LY6D: variants seen among roughly 807,000 people sequenced by gnomAD.
LY6D encodes lymphocyte antigen 6 family member D.
In LY6D, 7 loss-of-function variants were observed where a neutral mutation model predicts 5.6. That is an observed-to-expected ratio of 1.24 (90% CI 0.71 to 2.34). The LOEUF is 2.34. Among genes scored for constraint, LY6D ranks in the 30% most tolerant of loss-of-function variants. The pLI, the probability that LY6D is intolerant of heterozygous loss-of-function variation, is 0.00. For missense variants in LY6D, 148 were observed against 164.8 expected (o/e 0.90, Z 0.56); for synonymous variants, 81 against 75.0 (o/e 1.08, Z -0.41).
rs377395320 is a variant in LY6D, at chr8:142,784,931, C to T, written c.*290G>A. 9.0e-6 allele frequency: 4 copies of T among 444,094 alleles called. No homozygotes were observed. Among genetic ancestry groups the T allele is most frequent in the Admixed American group, 3.6e-5 (1 of 27,674 alleles). The allele number at this position is 444,094 out of a possible 1,614,324, so 27.5% of individuals were successfully genotyped here. ...GTAGAGATTTGAGTACAAAAATAAA[C>T]GGCAACAAAACAGAAGGAGTGTGAA... On this transcript the variant is annotated 3_prime_UTR_variant, in exon 3 of 3. Transcript: ENST00000301263.
intron 1 of LY6D, chr8:142,785,938 C>A: frequency 1.5e-6 from 2 of 1,369,536 alleles, no homozygotes; most frequent in Non-Finnish European, 1.9e-6. Context: ...GTGTTGCAAG[C>A]CTTTCCTCCA....
At chr8:142,785,934 C>G (rs1268749340) in intron 1 of LY6D, 9 of 1,374,320 alleles carry the variant, frequency 6.5e-6, no homozygotes, top group Non-Finnish European at 9.4e-7. Context: ...GGGTGTGTTG[C>G]AAGCCTTTCC....
At chr8:142,785,833 T>C (rs1011389585) in intron 1 of LY6D, 146 bp from the exon 2 acceptor site, 3 of 1,453,188 alleles carry the variant, frequency 2.1e-6, no homozygotes, top group Non-Finnish European at 2.7e-6. Context: ...CTCTGGGTCC[T>C]GGCAGGGCAT....
Position 142,786,532 on chromosome 8 carries a change from G to A in LY6D, c.-16C>T. The A allele has an allele frequency of 6.5e-7, 1 of 1,527,916 alleles. No homozygotes were observed. Among genetic ancestry groups the A allele is most frequent in the Non-Finnish European group, 8.9e-7 (1 of 1,127,132 alleles). The allele number at this position is 1,527,916 out of a possible 1,614,324, so 94.6% of individuals were successfully genotyped here. A position where few individuals can be genotyped will look rare whatever the true frequency, so the allele number is the denominator to read the frequency against. ...CTGTCCTCATCTCTGATGTCGTCTG[G>A]GAGCAGTGCGGGCCCCTGCATTGCC... On this transcript the variant is annotated 5_prime_UTR_variant, in exon 1 of 3. Transcript: ENST00000301263.
In LY6D at chr8:142,784,984, T is replaced by A. The variant is rs961325716; in HGVS notation, c.*237A>T. ...CCGGGGATCCACAGGGCTTCTGTCC[T>A]CCACCTTCCATGCAGCTGGGGGCTG... On this transcript the variant is annotated 3_prime_UTR_variant, in exon 3 of 3. Transcript: ENST00000301263. The A allele has an allele frequency of 1.9e-6, 1 of 537,186 alleles. No individual in the cohort carries two copies. Among genetic ancestry groups the A allele is most frequent in the East Asian group, 2.8e-5 (1 of 35,188 alleles). 33.3% of individuals were successfully genotyped at this position (537,186 alleles called of 1,614,324 possible).
At position 142,786,459 on chromosome 8, in the gene LY6D, C is replaced by T. The variant is rs750250052; in HGVS notation, c.52+6G>A. ...ACCCGCCCGTCCCCTTGGCCCAGCC[C>T]CTCACCTGGCCCTGTAGCCACAGCC... On this transcript the variant is annotated splice_donor_region_variant and intron_variant, in intron 1 of 2. Coordinates refer to ENST00000301263, the MANE Select transcript of LY6D (RefSeq NM_003695.3). The T allele has an allele frequency of 1.9e-6, 3 of 1,546,890 alleles. No homozygotes were observed. The South Asian group carries it at 3.6e-5, about 19-fold the overall frequency.
chr8:142,786,225 C>T (rs1216813214), intron 1 of LY6D: 4 of 1,347,056 alleles, frequency 3.0e-6, no homozygotes, highest in Non-Finnish European at 3.8e-6. Context: ...CAACCCCCTG[C>T]TCCACTCTCT....
chr8:142,785,631 C>T lies in LY6D; in HGVS notation c.109G>A (p.Val37Ile), dbSNP rs141207239. The change falls in exon 2 of 3, where the codon GTC becomes ATC. Residue 37 changes from valine (V) to isoleucine (I), a missense_variant. Val to Ile is a conservative substitution (Grantham distance 29). Transcript: ENST00000301263. ...TSSSNCKHSV[V>I]CPASSRFCKT... ...CAGAAGCGAGAGCTGGCCGGGCAGA[C>T]CACAGAATGCTTGCAGTTGCTGGAG... is the stretch of plus-strand genomic sequence containing the variant. The T allele has an allele frequency of 1.3e-4, 202 of 1,613,712 alleles. 2 individuals are homozygous for T. The African/African-American group carries it at 2.4e-3, about 19-fold the overall frequency.
Position 142,785,600 on chromosome 8 carries a change from G to C in LY6D, c.140C>G (p.Thr47Ser). Residue 47 changes from threonine (T) to serine (S), a missense_variant, in exon 2 of 3, where the codon ACC becomes AGC. Thr to Ser is a moderately conservative substitution (Grantham distance 58). Transcript: ENST00000301263. ...CAGATGCTACCCACCTGTGTTCGTGGTCTTGCAGAAGCGAGAGCTGGCCGG... is the reference window on the plus strand; with the variant it reads ...CAGATGCTACCCACCTGTGTTCGTGCTCTTGCAGAAGCGAGAGCTGGCCGG... ...VCPASSRFCK[T>S]TNTVEPLRGN... The C allele has an allele frequency of 6.8e-6, 11 of 1,613,718 alleles. No homozygotes were observed. The highest frequency in any genetic ancestry group is 9.3e-6 in the Non-Finnish European group (11 of 1,179,972).
intron 1 of LY6D, 91 bp from the exon 2 acceptor site, chr8:142,785,778 T>A: frequency 1.3e-6 from 2 of 1,542,360 alleles, no homozygotes; most frequent in South Asian, 1.2e-5. Context: ...AGACCCCTCC[T>A]GGACAGAGGC....
At chr8:142,786,134 G>C (rs1815650589) in intron 1 of LY6D, 2 of 1,237,440 alleles carry the variant, frequency 1.6e-6, no homozygotes, top group Non-Finnish European at 2.0e-6. Flanking sequence ...GTCCTGGGCT[G>C]TGCTGGGGGA....
intron 1 of LY6D, chr8:142,786,154 A>C (rs1586520947): frequency 1.6e-6 from 2 of 1,240,814 alleles, no homozygotes; most frequent in Non-Finnish European, 2.0e-6. Flanking sequence ...AGACCTGGGG[A>C]CCGGGAGGGG....
At position 142,786,412 on chromosome 8, in the gene LY6D, A is replaced by T. The variant is rs1249094125; in HGVS notation, c.52+53T>A. ...AGCTCCAGGCTCCTAGTATTTGGTG[A>T]CCACACAGGCCACAGCCGCCCACCC... On this transcript the variant is annotated intron_variant, in intron 1 of 2. Transcript: ENST00000301263. 5 of 1,512,960 alleles carry T rather than the reference A, an allele frequency of 3.3e-6. No individual in the cohort carries two copies. In the East Asian group the frequency reaches 1.2e-4, roughly 38 times the overall value. The allele number at this position is 1,512,960 out of a possible 1,614,324, so 93.7% of individuals were successfully genotyped here.
chr8:142,785,869 C>T, intron 1 of LY6D, 182 bp from the exon 2 acceptor site: 1 of 1,429,384 alleles, frequency 7.0e-7, no homozygotes, highest in East Asian at 2.5e-5. Context: ...CCTCAGGGGA[C>T]ATGTATTCCA....
rs532436423 is a variant in LY6D, at chr8:142,786,066, G to A, written c.53-379C>T. 8.0e-5 allele frequency: 95 copies of A among 1,192,920 alleles called. 1 individual carries two copies. In the African/African-American group the frequency reaches 1.2e-3, roughly 15 times the overall value. 73.9% of individuals were successfully genotyped at this position (1,192,920 alleles called of 1,614,324 possible). A position where few individuals can be genotyped will look rare whatever the true frequency, so the allele number is the denominator to read the frequency against. ...GGCCTGACGGAGCTAAGGCCCCGGG[G>A]GCAGCCAGCTTGGCTGCTCTGAGCC... On this transcript the variant is annotated intron_variant, in intron 1 of 2. Coordinates refer to ENST00000301263, the MANE Select transcript of LY6D (RefSeq NM_003695.3).
At position 142,785,974 on chromosome 8, in the gene LY6D, C is replaced by T. The variant is rs2130142401; in HGVS notation, c.53-287G>A. 2.3e-6 allele frequency: 3 copies of T among 1,308,540 alleles called. No individual in the cohort carries two copies. In the East Asian group the frequency reaches 9.8e-5, roughly 43 times the overall value. The allele number at this position is 1,308,540 out of a possible 1,614,324, so 81.1% of individuals were successfully genotyped here. A position where few individuals can be genotyped will look rare whatever the true frequency, so the allele number is the denominator to read the frequency against. On this transcript the variant is annotated intron_variant, in intron 1 of 2. Transcript: ENST00000301263. ...AGGTCTCAGGGAGCTCTGCGACTGC[C>T]AAGAGGACACTGGCTCTTGTCCCCA...
In LY6D at chr8:142,786,011, G is replaced by T. The variant is rs542613478; in HGVS notation, c.53-324C>A. On this transcript the variant is annotated intron_variant, in intron 1 of 2. Transcript: ENST00000301263. ...GGCTCTTGTCCCCACCCCAGGGGATGTCCCTGGAGGAGATGGCTATGTTTC... is the reference window on the plus strand; with the variant it reads ...GGCTCTTGTCCCCACCCCAGGGGATTTCCCTGGAGGAGATGGCTATGTTTC... 8 of 1,242,660 alleles carry T rather than the reference G, an allele frequency of 6.4e-6. No individual in the cohort carries two copies. In the East Asian group the frequency reaches 3.1e-4, roughly 48 times the overall value. 77.0% of individuals were successfully genotyped at this position (1,242,660 alleles called of 1,614,324 possible).
intron 1 of LY6D, 138 bp downstream of exon 1, chr8:142,786,327 T>C: frequency 7.3e-7 from 1 of 1,378,612 alleles, no homozygotes; most frequent in Non-Finnish European, 9.4e-7. Flanking sequence ...CTCCATGTTG[T>C]TTTAAATTTG....
intron 1 of LY6D, chr8:142,786,034 T>A: frequency 8.3e-7 from 1 of 1,205,950 alleles, no homozygotes; most frequent in Non-Finnish European, 1.0e-6. Flanking sequence ...ATGGCTATGT[T>A]TCTGAGGGCC....
Sources: gnomAD v4.1 joint callset for allele counts on GRCh38, gnomAD v4.1.1 for gene constraint, MANE v1.5 for transcripts, NCBI Gene and HGNC (gene_info 2026-07-23, HGNC 2026-07-21) for gene names.